Variants in ABCC4 observed in about 807,000 individuals in gnomAD.
The protein encoded by ABCC4 is ATP-binding cassette sub-family C member 4.
Under a neutral mutation model 168.5 loss-of-function variants are expected in ABCC4, and 102 were observed. The observed-to-expected ratio is 0.61, with a 90% confidence interval of 0.52 to 0.71. ABCC4 has a LOEUF of 0.71. Ranked by LOEUF, ABCC4 falls within the 30% of genes least tolerant of loss-of-function variation. The pLI, the probability that ABCC4 is intolerant of heterozygous loss-of-function variation, is 0.00. For missense variants in ABCC4, 1,402 were observed against 1,605.8 expected (o/e 0.87, Z 2.17); for synonymous variants, 617 against 590.7 (o/e 1.04, Z -0.65).
At chr13:95,141,980 T>A (rs1468709643) in intron 19 of ABCC4, among the ~76,000 whole-genome samples, 1 of 152,202 alleles carries the variant, frequency 6.6e-6, no homozygotes. Flanking sequence ...TAGTGATATC[T>A]CTGCTGGTGG....
intron 19 of ABCC4, among the ~76,000 whole-genome samples, chr13:95,134,919 C>T (rs186563702): frequency 6.6e-6 from 1 of 152,156 alleles, no homozygotes; most frequent in Non-Finnish European, 1.5e-5. Context: ...CTGATTAAGT[C>T]TGAACTTGGG....
intron 4 of ABCC4, among the ~76,000 whole-genome samples, chr13:95,222,630 A>AGAGATACTGAAGGTCAAGCTGAGGT (rs1477197137): frequency 1.8e-4 from 28 of 152,198 alleles, no homozygotes; most frequent in African/African-American, 6.0e-4. Flanking sequence ...TGAGCTGAAT[A>AGAGATACTGAAGGTCAAGCTGAGGT]GAGATACTGA....
chr13:95,198,746 G>A (rs1469061932), intron 8 of ABCC4, among the ~76,000 whole-genome samples: 2 of 152,148 alleles, frequency 1.3e-5, no homozygotes, highest in Non-Finnish European at 2.9e-5. Flanking sequence ...AAGAAAATGT[G>A]TCATATATAC....
chr13:95,165,496 T>C (rs1005963827), intron 15 of ABCC4, among the ~76,000 whole-genome samples: 4 of 152,226 alleles, frequency 2.6e-5, no homozygotes, highest in Admixed American at 6.5e-5. Context: ...CCGGAGGACT[T>C]AGAAGGCATG....
At position 95,247,671 on chromosome 13, in the gene ABCC4, A is replaced by C; in HGVS notation, c.157T>G (p.Ser53Ala). The C allele has an allele frequency of 6.2e-7, 1 of 1,614,008 alleles. No individual in the cohort carries two copies. Among genetic ancestry groups the C allele is most frequent in the East Asian group, 2.2e-5 (1 of 44,874 alleles). ...DMYSVLPEDR[S>A]QHLGEELQGF... ...TGCAACTCCTCTCCAAGGTGCTGTGAGCGGTCTTCTGGCAGCACTGAATAC... is the reference window on the plus strand; with the variant it reads ...TGCAACTCCTCTCCAAGGTGCTGTGCGCGGTCTTCTGGCAGCACTGAATAC... The change falls in exon 2 of 31, where the codon TCA becomes GCA. Residue 53 changes from serine to alanine, a missense_variant. By Grantham distance (99) the Ser-to-Ala change is moderately conservative. Coordinates refer to ENST00000645237, the MANE Select transcript of ABCC4 (RefSeq NM_005845.5).
intron 14 of ABCC4, chr13:95,170,086 G>C (rs1187202498): frequency 1.3e-5 from 2 of 154,036 alleles, no homozygotes; most frequent in Non-Finnish European, 2.9e-5. Context: ...TTGAACTCCT[G>C]ACGTCAGGTG....
intron 27 of ABCC4, among the ~76,000 whole-genome samples, chr13:95,048,741 A>G (rs9302043): frequency 0.16 from 24,313 of 152,158 alleles, 2,241 homozygotes; most frequent in African/African-American, 0.25. Flanking sequence ...ATGATTAGAT[A>G]ATTTCTCCAC....
At chr13:95,259,610 C>A (rs2040478413) in intron 1 of ABCC4, among the ~76,000 whole-genome samples, 1 of 152,198 alleles carries the variant, frequency 6.6e-6, no homozygotes, top group Non-Finnish European at 1.5e-5. Context: ...GTGGCAAAAT[C>A]ACATGGATCA....
intron 19 of ABCC4, among the ~76,000 whole-genome samples, chr13:95,129,545 T>C (rs1350817635): frequency 6.6e-6 from 1 of 152,232 alleles, no homozygotes; most frequent in Non-Finnish European, 1.5e-5. Flanking sequence ...TTTGCCAATA[T>C]TATATCCTGC....
intron 1 of ABCC4, among the ~76,000 whole-genome samples, chr13:95,260,053 C>T (rs2040493339): frequency 6.6e-6 from 1 of 152,142 alleles, no homozygotes; most frequent in Non-Finnish European, 1.5e-5. Flanking sequence ...GGACCCACTC[C>T]AGGTCTATGA....
Position 95,252,700 on chromosome 13 carries a change from A to G in ABCC4, c.75-4947T>C, listed in dbSNP as rs1261498578. 2.0e-5 allele frequency among the ~76,000 whole-genome samples: 3 copies of G among 152,066 alleles called. No homozygotes were observed. In the East Asian group the frequency reaches 5.8e-4, roughly 29 times the overall value. On this transcript the variant is annotated intron_variant, in intron 1 of 30. Coordinates refer to ENST00000645237, the MANE Select transcript of ABCC4 (RefSeq NM_005845.5). Reference sequence around the variant, plus strand: ...AAACAAAACAAACAAACCAACAAAGATATGTGTAAGTAGGAAAAAAAATCA... The same window carrying G: ...AAACAAAACAAACAAACCAACAAAGGTATGTGTAAGTAGGAAAAAAAATCA...
intron 20 of ABCC4, among the ~76,000 whole-genome samples, chr13:95,105,713 A>G (rs1006424329): frequency 3.3e-5 from 5 of 152,144 alleles, no homozygotes; most frequent in Non-Finnish European, 7.4e-5. Context: ...CTGAATTGCA[A>G]TGGGGTAAGT....
chr13:95,148,589 A>AC, intron 19 of ABCC4, among the ~76,000 whole-genome samples: 1 of 116,436 alleles, frequency 8.6e-6, no homozygotes, highest in Non-Finnish European at 1.8e-5. Flanking sequence ...CCTACCCATC[A>AC]CAACACACAC....
rs4148458 is a variant in ABCC4 at position 95,235,058 on chromosome 13, A to AT, written c.307-225dup. 1.5e-3 allele frequency among the ~76,000 whole-genome samples: 215 copies of AT among 145,770 alleles called. 1 individual carries two copies. The highest frequency in any genetic ancestry group is 0.012 in the East Asian group (62 of 5,034). On this transcript the variant is annotated intron_variant, in intron 3 of 30. Transcript: ENST00000645237. ...AGTGCACACCATCATGTAGAGCTAA[A>AT]TTTTTTTTTTTTGGTCAAGACAGGG...
chr13:95,230,604 G>C (rs2039592455), intron 4 of ABCC4, among the ~76,000 whole-genome samples: 1 of 152,130 alleles, frequency 6.6e-6, no homozygotes, highest in African/African-American at 2.4e-5. Context: ...GTGAAACCCT[G>C]TCTCTATTAA....
At chr13:95,074,762 G>T (rs570918097) in intron 22 of ABCC4, among the ~76,000 whole-genome samples, 138 of 152,136 alleles carry the variant, frequency 9.1e-4, no homozygotes, top group Non-Finnish European at 1.1e-3. Flanking sequence ...TATTGCTTAG[G>T]GGCTATATAA....
At position 95,163,187 on chromosome 13, in the gene ABCC4, G is replaced by A; in HGVS notation, c.2243C>T (p.Thr748Ile). The change falls in exon 18 of 31, where the codon ACT becomes ATT. Residue 748 changes from threonine to isoleucine, a missense_variant. By Grantham distance (89) the Thr-to-Ile change is moderately conservative. Transcript: ENST00000645237. ...WANKQSMLNV[T>I]VNGGGNVTEK... ...GGTTACATTTCCTCCTCCATTTACAGTGACATTTAGCATACTTTGTTTGTT... is the reference window on the plus strand; with the variant it reads ...GGTTACATTTCCTCCTCCATTTACAATGACATTTAGCATACTTTGTTTGTT... 1.2e-6 allele frequency: 2 copies of A among 1,613,038 alleles called. No homozygotes were observed. The highest frequency in any genetic ancestry group is 1.7e-6 in the Non-Finnish European group (2 of 1,179,316).
intron 21 of ABCC4, among the ~76,000 whole-genome samples, chr13:95,077,936 C>T (rs951108944): frequency 2.6e-5 from 4 of 151,998 alleles, no homozygotes; most frequent in Non-Finnish European, 5.9e-5. Flanking sequence ...AGGAGGAGGC[C>T]GCCAGGTATG....
chr13:95,247,559 G>C, intron 2 of ABCC4, 84 bp downstream of exon 2: 1 of 1,043,826 alleles, frequency 9.6e-7, no homozygotes, highest in South Asian at 1.4e-5. Context: ...GGAGGCTCCA[G>C]ACAGGACCCA....
Sources: allele counts gnomAD v4.1 joint callset (sites outside exome capture counted in the v4.1 genomes callset), GRCh38; gene constraint gnomAD v4.1.1; transcripts MANE v1.5; gene names NCBI Gene and HGNC (gene_info 2026-07-23, HGNC 2026-07-21).